PTPRZ1: variants seen among roughly 807,000 people sequenced by gnomAD.
PTPRZ1 encodes the protein protein tyrosine phosphatase receptor type Z1.
PTPRZ1 carries 82 observed loss-of-function variants against 214.1 expected under a neutral mutation model. The ratio of observed to expected loss-of-function variants is 0.38; its 90% CI spans 0.32 to 0.46. The LOEUF (loss-of-function observed/expected upper bound fraction) is 0.46, where lower values mean the gene tolerates loss of function less well. Among genes scored for constraint, PTPRZ1 ranks in the 20% least tolerant of loss-of-function variants. The pLI, the probability that PTPRZ1 is intolerant of heterozygous loss-of-function variation, is 1.00. For missense variants in PTPRZ1, 2,603 were observed against 2,748.7 expected (o/e 0.95, Z 1.19); for synonymous variants, 945 against 987.9 (o/e 0.96, Z 0.81).
chr7:121,884,644 T>C (rs1383194853), intron 1 of PTPRZ1, among the ~76,000 whole-genome samples: 1 of 152,222 alleles, frequency 6.6e-6, no homozygotes, highest in Non-Finnish European at 1.5e-5. Context: ...GTTCAGCACA[T>C]GTTTGTTGAA....
At chr7:121,878,300 G>C (rs1406640080) in intron 1 of PTPRZ1, among the ~76,000 whole-genome samples, 1 of 152,008 alleles carries the variant, frequency 6.6e-6, no homozygotes, top group Non-Finnish European at 1.5e-5. Context: ...GCAATCACAT[G>C]GGACAGTGCA....
At chr7:121,952,855 TG>T (rs1019630433) in intron 2 of PTPRZ1, among the ~76,000 whole-genome samples, 8 of 152,182 alleles carry the variant, frequency 5.3e-5, no homozygotes, top group Non-Finnish European at 1.0e-4. Flanking sequence ...ATTTATAAAT[TG>T]CCATGTACCA....
chr7:121,883,200 G>A (rs76435171), intron 1 of PTPRZ1, among the ~76,000 whole-genome samples: 1 of 152,150 alleles, frequency 6.6e-6, no homozygotes, highest in Non-Finnish European at 1.5e-5. Flanking sequence ...TTAACTCAGT[G>A]CCTTGAGTAG....
chr7:121,933,145 A>G lies in PTPRZ1; in HGVS notation c.124+4924A>G, dbSNP rs545036784. Among the ~76,000 whole-genome samples the G allele has an allele frequency of 4.4e-3, 506 of 113,928 alleles. 3 individuals carry two copies. Among genetic ancestry groups the G allele is most frequent in the African/African-American group, 0.02 (479 of 24,062 alleles). The allele number at this position is 113,928 out of a possible 152,430, so 74.7% of individuals were successfully genotyped here. A position where few individuals can be genotyped will look rare whatever the true frequency, so the allele number is the denominator to read the frequency against. On this transcript the variant is annotated intron_variant, in intron 2 of 29. Coordinates refer to ENST00000393386, the MANE Select transcript of PTPRZ1 (RefSeq NM_002851.3). ...TCTATGACAATTCCTAAACAAAGAC[A>G]GTTCAGTGAAAAAAAAAAAAAAAGA...
intron 8 of PTPRZ1, among the ~76,000 whole-genome samples, chr7:121,986,538 A>G (rs1797766754): frequency 6.6e-6 from 1 of 152,240 alleles, no homozygotes; most frequent in South Asian, 2.1e-4. Flanking sequence ...CTAGAAATAC[A>G]TGATAGGACC....
At chr7:121,902,982 C>A (rs141632527) in intron 1 of PTPRZ1, among the ~76,000 whole-genome samples, 1 of 151,728 alleles carries the variant, frequency 6.6e-6, no homozygotes, top group East Asian at 1.9e-4. Context: ...AAAAAATAAA[C>A]AGAGATAACA....
Position 122,013,845 on chromosome 7 carries a change from C to T in PTPRZ1, c.4799C>T (p.Ser1600Phe). 6.2e-7 allele frequency: 1 copy of T among 1,613,520 alleles called. No homozygotes were observed. The highest frequency in any genetic ancestry group is 8.5e-7 in the Non-Finnish European group (1 of 1,179,660). ...GGATTCCCACAGTCCCCAACATCATCTGTTACTAGCGAGAACTCAGAAGTG... is the reference window on the plus strand; with the variant it reads ...GGATTCCCACAGTCCCCAACATCATTTGTTACTAGCGAGAACTCAGAAGTG... The part of the protein sequence containing the change: ...TPGFPQSPTS[S>F]VTSENSEVFH... The change falls in exon 12 of 30, where the codon TCT becomes TTT. Residue 1600 changes from serine to phenylalanine, a missense_variant. By Grantham distance (155) the Ser-to-Phe change is radical. Coordinates refer to ENST00000393386, the MANE Select transcript of PTPRZ1 (RefSeq NM_002851.3).
intron 11 of PTPRZ1, among the ~76,000 whole-genome samples, chr7:122,008,572 G>GT (rs1562858303): frequency 6.6e-6 from 1 of 152,048 alleles, no homozygotes; most frequent in African/African-American, 2.4e-5. Flanking sequence ...GTTGGTCCCT[G>GT]TTTTTATGTT....
chr7:121,873,633 C>A, intron 1 of PTPRZ1, 76 bp downstream of exon 1: 1 of 1,534,918 alleles, frequency 6.5e-7, no homozygotes, highest in Non-Finnish European at 9.0e-7. Flanking sequence ...AGCGTGTCCG[C>A]GACTTGCCGC....
chr7:121,923,468 T>C (rs1584642633), intron 1 of PTPRZ1, among the ~76,000 whole-genome samples: 1 of 152,130 alleles, frequency 6.6e-6, no homozygotes, highest in South Asian at 2.1e-4. Flanking sequence ...TTTCTCCCTA[T>C]TACAGTAATA....
At chr7:122,024,134 T>G (rs907134375) in intron 13 of PTPRZ1, among the ~76,000 whole-genome samples, 3 of 151,870 alleles carry the variant, frequency 2.0e-5, no homozygotes, top group Non-Finnish European at 4.4e-5. Flanking sequence ...ATACATTAAA[T>G]AATATGCCTT....
chr7:122,029,804 TG>T (rs1335419011), intron 14 of PTPRZ1, among the ~76,000 whole-genome samples: 3 of 151,734 alleles, frequency 2.0e-5, no homozygotes, highest in African/African-American at 7.2e-5. Flanking sequence ...TTTCTTTTTG[TG>T]CCTTATAAAC....
intron 1 of PTPRZ1, among the ~76,000 whole-genome samples, chr7:121,888,049 A>G (rs1453529952): frequency 6.6e-6 from 1 of 152,090 alleles, no homozygotes; most frequent in Non-Finnish European, 1.5e-5. Flanking sequence ...TCAGCATTTT[A>G]TCATGGATTG....
chr7:121,879,017 C>T (rs1161531765), intron 1 of PTPRZ1, among the ~76,000 whole-genome samples: 1 of 152,142 alleles, frequency 6.6e-6, no homozygotes. Flanking sequence ...AATGTCACTT[C>T]TGGTACGCGA....
At chr7:121,878,920 T>C (rs1336213798) in intron 1 of PTPRZ1, among the ~76,000 whole-genome samples, 1 of 152,198 alleles carries the variant, frequency 6.6e-6, no homozygotes, top group Non-Finnish European at 1.5e-5. Context: ...TTGTTGAGAC[T>C]GGCCAATTTT....
chr7:121,968,752 C>CTT (rs1797122637), intron 3 of PTPRZ1, among the ~76,000 whole-genome samples: 1 of 150,424 alleles, frequency 6.6e-6, no homozygotes, highest in South Asian at 2.1e-4. Flanking sequence ...TTTTGATATT[C>CTT]TAGTTTTTTT....
intron 7 of PTPRZ1, 64 bp from the exon 8 acceptor site, chr7:121,983,903 C>T: frequency 6.3e-7 from 1 of 1,579,966 alleles, no homozygotes; most frequent in Non-Finnish European, 8.6e-7. Context: ...ATAAAATATC[C>T]ATTTTAAAGC....
intron 1 of PTPRZ1, among the ~76,000 whole-genome samples, chr7:121,888,432 T>A (rs1184574397): frequency 6.6e-6 from 1 of 152,038 alleles, no homozygotes; most frequent in Non-Finnish European, 1.5e-5. Context: ...AAAAGATGGC[T>A]GAAATACTTA....
chr7:122,003,336 G>A (rs1157404719), intron 10 of PTPRZ1, among the ~76,000 whole-genome samples: 1 of 152,242 alleles, frequency 6.6e-6, no homozygotes, highest in East Asian at 1.9e-4. Context: ...GAGTTGTTTA[G>A]GGTAAGTAAT....
Sources: gnomAD v4.1 joint callset for allele counts (sites outside exome capture counted in the v4.1 genomes callset) on GRCh38, gnomAD v4.1.1 for gene constraint, MANE v1.5 for transcripts, NCBI Gene and HGNC (gene_info 2026-07-23, HGNC 2026-07-21) for gene names.